The following ANXA10 variants were observed in gnomAD, a reference collection of about 807,000 sequenced individuals.
ANXA10 encodes annexin 14.
ANXA10 carries 49 observed loss-of-function variants against 53.5 expected under a neutral mutation model. That is an observed-to-expected ratio of 0.92 (90% CI 0.73 to 1.16). The LOEUF (loss-of-function observed/expected upper bound fraction) is 1.16. Ranked by LOEUF, ANXA10 falls within the 50% of genes most tolerant of loss-of-function variation. The pLI is 0.00. For missense variants in ANXA10, 393 were observed against 394.4 expected, an observed-to-expected ratio of 1.00 and a Z score of 0.03; for synonymous variants, 131 against 128.9, an observed-to-expected ratio of 1.02 and a Z score of -0.11.
intron 3 of ANXA10, among the ~76,000 whole-genome samples, chr4:168,153,036 G>C (rs1053122273): frequency 4.6e-5 from 7 of 151,874 alleles, no homozygotes; most frequent in Admixed American, 1.3e-4. Context: ...TGGAGACGGG[G>C]CTTCGCCATC....
chr4:168,157,170 A>T (rs1181526270), intron 3 of ANXA10, among the ~76,000 whole-genome samples: 2 of 152,218 alleles, frequency 1.3e-5, no homozygotes, highest in African/African-American at 2.4e-5. Flanking sequence ...TTTTAAAATT[A>T]AAAATTCACA....
chr4:168,178,072 C>A (rs1013671971), intron 8 of ANXA10, 89 bp downstream of exon 8: 3 of 1,249,888 alleles, frequency 2.4e-6, no homozygotes, highest in Non-Finnish European at 3.4e-6. Flanking sequence ...TGAAATATTA[C>A]AAGGAAATAG....
Position 168,126,091 on chromosome 4 carries a change from A to G in ANXA10, c.19-1993A>G, listed in dbSNP as rs553937918. 1.2e-4 allele frequency among the ~76,000 whole-genome samples: 18 copies of G among 149,146 alleles called. No homozygotes were observed. The South Asian group carries it at 2.4e-3, about 20-fold the overall frequency. ...CATTGAAAAATGTACATTTTTTTCA[A>G]AATTTCCAATTTACTCTAAGGCCAG... On this transcript the variant is annotated intron_variant, in intron 1 of 11. Transcript: ENST00000359299.
intron 3 of ANXA10, among the ~76,000 whole-genome samples, chr4:168,140,926 T>C (rs1290426680): frequency 6.6e-6 from 1 of 152,224 alleles, no homozygotes; most frequent in Non-Finnish European, 1.5e-5. Context: ...AGAGAAGAAA[T>C]GCCATTTTTA....
chr4:168,127,121 T>C (rs1034681454), intron 1 of ANXA10, among the ~76,000 whole-genome samples: 11 of 152,138 alleles, frequency 7.2e-5, no homozygotes, highest in African/African-American at 2.7e-4. Flanking sequence ...CAGGGAGAGC[T>C]GCCCTTCTTA....
At chr4:168,113,907 T>C (rs961791359) in intron 1 of ANXA10, among the ~76,000 whole-genome samples, 2 of 152,210 alleles carry the variant, frequency 1.3e-5, no homozygotes, top group African/African-American at 4.8e-5. Flanking sequence ...TTGGAAAAGT[T>C]ATGTAGGTGG....
rs477897 is a variant in ANXA10, at chr4:168,177,763, A to G, written c.504A>G (p.Thr168=). 0.19 allele frequency: 303,858 copies of G among 1,613,718 alleles called. 30,982 individuals carry two copies. Among genetic ancestry groups the G allele is most frequent in the Non-Finnish European group, 0.21 (250,690 of 1,179,676 alleles). ...AGGGGACCAGAGAGGAAGGATATAC[A>G]GACCCTGCGATGGCTGCTCAGGATG... is the stretch of plus-strand genomic sequence containing the variant. The part of the protein sequence containing the change: ...LVQGTREEGY[T]DPAMAAQDAM... Residue 168 remains threonine (T), a synonymous_variant, in exon 7 of 12, where the codon ACA becomes ACG. Coordinates refer to ENST00000359299, the MANE Select transcript of ANXA10 (RefSeq NM_007193.5).
At chr4:168,178,621 T>A (rs1732181040) in intron 8 of ANXA10, among the ~76,000 whole-genome samples, 1 of 152,150 alleles carries the variant, frequency 6.6e-6, no homozygotes, top group Non-Finnish European at 1.5e-5. Context: ...TGAAAAGACA[T>A]CTTCTTGCTT....
chr4:168,140,622 T>C (rs1731309637), intron 3 of ANXA10, among the ~76,000 whole-genome samples: 1 of 152,068 alleles, frequency 6.6e-6, no homozygotes, highest in Admixed American at 6.5e-5. Context: ...AAATGTCTTT[T>C]TTTTTTTTTC....
chr4:168,182,781 C>A (rs1199213175), intron 10 of ANXA10, among the ~76,000 whole-genome samples: 1 of 149,618 alleles, frequency 6.7e-6, no homozygotes, highest in Non-Finnish European at 1.5e-5. Flanking sequence ...GAGGCCGAGG[C>A]GGGTGGATCA....
Position 168,187,661 on chromosome 4 carries a change from TA to T in ANXA10, c.*230del. ...GCCTACTATCTAATCAGCAATTAAA[TA>T]AATTGTGCATGATGGAATAATAGAA... is the stretch of plus-strand genomic sequence containing the variant. On this transcript the variant is annotated 3_prime_UTR_variant, in exon 12 of 12. Coordinates refer to ENST00000359299, the MANE Select transcript of ANXA10 (RefSeq NM_007193.5). 2.9e-6 allele frequency: 1 copy of T among 339,362 alleles called. No individual in the cohort carries two copies. Among genetic ancestry groups the T allele is most frequent in the Non-Finnish European group, 5.4e-6 (1 of 184,080 alleles). 21.0% of individuals were successfully genotyped at this position (339,362 alleles called of 1,614,324 possible).
chr4:168,142,612 C>T (rs1731344810), intron 3 of ANXA10, among the ~76,000 whole-genome samples: 1 of 152,196 alleles, frequency 6.6e-6, no homozygotes, highest in South Asian at 2.1e-4. Flanking sequence ...CTGTTTCACT[C>T]TACCACAGTC....
At chr4:168,162,975 T>C (rs911010827) in intron 4 of ANXA10, among the ~76,000 whole-genome samples, 3 of 152,170 alleles carry the variant, frequency 2.0e-5, no homozygotes, top group African/African-American at 4.8e-5. Flanking sequence ...TATTCCTATA[T>C]TGAGGATAAT....
At chr4:168,168,364 T>C (rs1478765590) in intron 6 of ANXA10, among the ~76,000 whole-genome samples, 1 of 152,210 alleles carries the variant, frequency 6.6e-6, no homozygotes, top group Non-Finnish European at 1.5e-5. Flanking sequence ...AGTGAAGTTA[T>C]TTGTCTTCAA....
At chr4:168,179,190 C>T in intron 8 of ANXA10, 27 bp from the exon 9 acceptor site, 1 of 1,371,614 alleles carries the variant, frequency 7.3e-7, no homozygotes, top group Non-Finnish European at 1.0e-6. Context: ...TTCAAAATCT[C>T]CTTTGAATTA....
At chr4:168,169,197 C>T (rs529742970) in intron 6 of ANXA10, among the ~76,000 whole-genome samples, 75 of 152,092 alleles carry the variant, frequency 4.9e-4, no homozygotes, top group African/African-American at 1.8e-3. Flanking sequence ...GACAAGATGC[C>T]AATTGAATAT....
chr4:168,183,117 T>A (rs1732293093), intron 10 of ANXA10, among the ~76,000 whole-genome samples: 1 of 151,420 alleles, frequency 6.6e-6, no homozygotes, highest in Admixed American at 6.6e-5. Flanking sequence ...TTAAAAATAA[T>A]CCAATAATAC....
At position 168,181,679 on chromosome 4, in the gene ANXA10, C is replaced by G; in HGVS notation, c.725-4C>G. On this transcript the variant is annotated splice_region_variant and splice_polypyrimidine_tract_variant and intron_variant, in intron 9 of 11. Transcript: ENST00000359299. ...TTTCTTCTTCTCTCTCTGATTTCTC[C>G]TAGTTCTCTGTGTTCGAGACAAACC... 1 of 1,601,354 alleles carries G rather than the reference C, an allele frequency of 6.2e-7. No individual in the cohort carries two copies.
At position 168,187,349 on chromosome 4, in the gene ANXA10, TATA is replaced by T; in HGVS notation, c.907-16_907-14del. 1 of 1,516,852 alleles carries T rather than the reference TATA, an allele frequency of 6.6e-7. No homozygotes were observed. The highest frequency in any genetic ancestry group is 9.0e-7 in the Non-Finnish European group (1 of 1,107,672). The allele number at this position is 1,516,852 out of a possible 1,614,324, so 94.0% of individuals were successfully genotyped here. ...TTATGATATTTTATTTCAAATATAT[TATA>T]TTTTTCTTTTCAGAATTTTGCTTCA... On this transcript the variant is annotated splice_polypyrimidine_tract_variant and intron_variant, in intron 11 of 11. Coordinates refer to ENST00000359299, the MANE Select transcript of ANXA10 (RefSeq NM_007193.5).
Sources: gnomAD v4.1 joint callset for allele counts (sites outside exome capture counted in the v4.1 genomes callset) on GRCh38, gnomAD v4.1.1 for gene constraint, MANE v1.5 for transcripts, NCBI Gene and HGNC (gene_info 2026-07-23, HGNC 2026-07-21) for gene names.